PAQR8: variants seen among roughly 807,000 people sequenced by gnomAD.
PAQR8 encodes the protein progestin and adipoQ receptor family member 8, also known as membrane progestin receptor beta.
PAQR8 carries 17 observed loss-of-function variants against 25.2 expected under a neutral mutation model. That is an observed-to-expected ratio of 0.67 (90% CI 0.46 to 1.01). The LOEUF (loss-of-function observed/expected upper bound fraction) is 1.01, where lower values mean the gene tolerates loss of function less well. PAQR8 is among the 50% of genes least tolerant of loss of function. The pLI, the probability that PAQR8 is intolerant of heterozygous loss-of-function variation, is 0.00. For missense variants in PAQR8, 392 were observed against 448.4 expected (o/e 0.87, Z 1.14); for synonymous variants, 204 against 190.6 (o/e 1.07, Z -0.58).
intron 1 of PAQR8, among the ~76,000 whole-genome samples, chr6:52,391,758 T>C (rs1763712110): frequency 6.6e-6 from 1 of 152,236 alleles, no homozygotes; most frequent in Non-Finnish European, 1.5e-5. Flanking sequence ...TTTATAATTA[T>C]GCAGTGATGT....
At chr6:52,378,090 A>G (rs1168754668) in intron 1 of PAQR8, among the ~76,000 whole-genome samples, 1 of 152,230 alleles carries the variant, frequency 6.6e-6, no homozygotes, top group African/African-American at 2.4e-5. Flanking sequence ...CCTCATCTGT[A>G]CAATAGCTAA....
chr6:52,394,285 C>T (rs962756248), intron 1 of PAQR8, among the ~76,000 whole-genome samples: 2 of 152,140 alleles, frequency 1.3e-5, no homozygotes, highest in Admixed American at 6.5e-5. Flanking sequence ...GGGTACTTCA[C>T]GTATTTTTAC....
At chr6:52,375,772 C>T (rs1012884017) in intron 1 of PAQR8, among the ~76,000 whole-genome samples, 4 of 152,216 alleles carry the variant, frequency 2.6e-5, no homozygotes, top group East Asian at 1.9e-4. Context: ...GATCCTACTG[C>T]CTTGGCCTTC....
chr6:52,375,441 C>T (rs1478513708), intron 1 of PAQR8, among the ~76,000 whole-genome samples: 15 of 152,202 alleles, frequency 9.9e-5, no homozygotes, highest in Admixed American at 9.8e-4. Flanking sequence ...CAGATCTCCT[C>T]ATTCATTGAC....
At chr6:52,400,547 A>G (rs920653395) in intron 1 of PAQR8, among the ~76,000 whole-genome samples, 3 of 152,190 alleles carry the variant, frequency 2.0e-5, no homozygotes, top group Non-Finnish European at 4.4e-5. Flanking sequence ...GCAAACTACA[A>G]TGACTTCAGA....
In PAQR8 at chr6:52,374,678, T is replaced by C. The variant is rs79291733; in HGVS notation, c.-53+12429T>C. On this transcript the variant is annotated intron_variant, in intron 1 of 1. Coordinates refer to ENST00000442253, the MANE Select transcript of PAQR8 (RefSeq NM_133367.5). ...TTGGCCTCATAAAGTGCTGGGATTA[T>C]AGGTATGAGCCTATAGGTATTTGCT... Among the ~76,000 whole-genome samples the C allele has an allele frequency of 2.8e-3, 425 of 152,240 alleles. 3 individuals are homozygous for C. Among genetic ancestry groups the C allele is most frequent in the African/African-American group, 9.9e-3 (411 of 41,532 alleles).
rs780293314 is a variant in PAQR8 at position 52,403,272 on chromosome 6, G to A, written c.59G>A (p.Arg20His). 8.1e-6 allele frequency: 13 copies of A among 1,612,036 alleles called. No individual in the cohort carries two copies. Among genetic ancestry groups the A allele is most frequent in the Middle Eastern group, 1.6e-4 (1 of 6,072 alleles). ...STLSVSGQQL[R>H]RLPKILEDGL... The stretch of plus-strand genomic sequence containing the variant: ...CTGTCGGTCAGCGGGCAGCAGCTGC[G>A]CCGCCTGCCCAAGATCCTGGAGGAT... The change falls in exon 2 of 2, where the codon CGC (arginine) becomes CAC (histidine). Residue 20 changes from arginine (R) to histidine (H), a missense_variant. Coordinates refer to ENST00000442253, the MANE Select transcript of PAQR8 (RefSeq NM_133367.5).
At chr6:52,395,417 T>A (rs1763756604) in intron 1 of PAQR8, among the ~76,000 whole-genome samples, 1 of 152,176 alleles carries the variant, frequency 6.6e-6, no homozygotes, top group Non-Finnish European at 1.5e-5. Flanking sequence ...TCCATTATAA[T>A]CTGACTCTAA....
At chr6:52,392,055 A>G (rs1197254335) in intron 1 of PAQR8, among the ~76,000 whole-genome samples, 1 of 152,218 alleles carries the variant, frequency 6.6e-6, no homozygotes, top group African/African-American at 2.4e-5. Flanking sequence ...GCACCAAGGC[A>G]TAGAGAGGTT....
Position 52,404,064 on chromosome 6 carries a change from T to A in PAQR8, c.851T>A (p.Ile284Asn). Residue 284 changes from isoleucine to asparagine, a missense_variant, in exon 2 of 2, where the codon ATC becomes AAC. Coordinates refer to ENST00000442253, the MANE Select transcript of PAQR8 (RefSeq NM_133367.5). ...SCDIVGHGHQ[I>N]FHAFLSICTL... ...GACATCGTGGGCCATGGGCATCAGA[T>A]CTTCCATGCATTTCTGTCCATCTGT... 1 of 1,614,212 alleles carries A rather than the reference T, an allele frequency of 6.2e-7. No individual in the cohort carries two copies. Among genetic ancestry groups the A allele is most frequent in the South Asian group, 1.1e-5 (1 of 91,084 alleles).
At chr6:52,382,963 T>C (rs1198773366) in intron 1 of PAQR8, among the ~76,000 whole-genome samples, 1 of 152,226 alleles carries the variant, frequency 6.6e-6, no homozygotes, top group Non-Finnish European at 1.5e-5. Context: ...CTAAAAGTTA[T>C]TTTGTAGAAA....
intron 1 of PAQR8, among the ~76,000 whole-genome samples, chr6:52,388,283 C>A (rs1393495199): frequency 6.6e-6 from 1 of 150,746 alleles, no homozygotes; most frequent in Non-Finnish European, 1.5e-5. Context: ...GGCTGAGGCA[C>A]AAGAATGGCT....
intron 1 of PAQR8, among the ~76,000 whole-genome samples, chr6:52,374,276 C>T (rs1382534301): frequency 1.3e-5 from 2 of 152,184 alleles, no homozygotes; most frequent in African/African-American, 4.8e-5. Flanking sequence ...GTTCAAGAAA[C>T]TTTGGTTCTC....
intron 1 of PAQR8, among the ~76,000 whole-genome samples, chr6:52,394,571 C>G (rs940651586): frequency 2.6e-5 from 4 of 152,188 alleles, no homozygotes; most frequent in African/African-American, 9.7e-5. Context: ...CAGCAGTAAC[C>G]TGCAGCTCCC....
chr6:52,374,537 G>A (rs778641667), intron 1 of PAQR8, among the ~76,000 whole-genome samples: 12 of 152,086 alleles, frequency 7.9e-5, no homozygotes, highest in Non-Finnish European at 1.3e-4. Flanking sequence ...TTTCAGCCTT[G>A]TTATTAGGTA....
rs370008138 is a variant in PAQR8 at position 52,403,987 on chromosome 6, C to T, written c.774C>T (p.Ser258=). The T allele has an allele frequency of 3.7e-6, 6 of 1,614,066 alleles. No homozygotes were observed. Among genetic ancestry groups the T allele is most frequent in the Admixed American group, 3.3e-5 (2 of 60,000 alleles). ...TCCAGATCCTCTTCTTCCTGGTTAGCGCTTATTTCTTCTCCTGCCCCGTGC... is the reference window on the plus strand; with the variant it reads ...TCCAGATCCTCTTCTTCCTGGTTAGTGCTTATTTCTTCTCCTGCCCCGTGC... The part of the protein sequence containing the change: ...HTLQILFFLV[S]AYFFSCPVPE... The change falls in exon 2 of 2, where the codon AGC becomes AGT. Residue 258 remains serine, a synonymous_variant. Transcript: ENST00000442253.
At chr6:52,378,652 G>C (rs1013499375) in intron 1 of PAQR8, among the ~76,000 whole-genome samples, 3 of 152,142 alleles carry the variant, frequency 2.0e-5, no homozygotes, top group African/African-American at 7.2e-5. Flanking sequence ...TTAGCTGGGC[G>C]TGGTGGTGTA....
chr6:52,364,295 A>C (rs948077557), intron 1 of PAQR8, among the ~76,000 whole-genome samples: 1 of 152,086 alleles, frequency 6.6e-6, no homozygotes, highest in Non-Finnish European at 1.5e-5. Flanking sequence ...CGATTTATTC[A>C]TTTTACAAGA....
At chr6:52,380,012 T>G (rs768618502) in intron 1 of PAQR8, among the ~76,000 whole-genome samples, 1 of 151,298 alleles carries the variant, frequency 6.6e-6, no homozygotes, top group South Asian at 2.1e-4. Context: ...CCACCTGCCT[T>G]GGCCTCCCAA....
Sources: gnomAD v4.1 joint callset for allele counts (sites outside exome capture counted in the v4.1 genomes callset) on GRCh38, gnomAD v4.1.1 for gene constraint, MANE v1.5 for transcripts, NCBI Gene and HGNC (gene_info 2026-07-23, HGNC 2026-07-21) for gene names.